The following FTCDNL1 variants were observed in gnomAD, a reference collection of about 807,000 sequenced individuals.
FTCDNL1 encodes formiminotransferase N-terminal subdomain-containing protein.
A neutral mutation model predicts 5.9 loss-of-function variants in FTCDNL1; 11 were observed. That is an observed-to-expected ratio of 1.87 (90% CI 1.18 to 3.10). The LOEUF (loss-of-function observed/expected upper bound fraction) is 3.10. Among genes scored for constraint, FTCDNL1 ranks in the 30% most tolerant of loss-of-function variants. FTCDNL1 has a pLI of 0.00. For synonymous variants in FTCDNL1, 58 were observed against 24.8 expected (o/e 2.34, Z -3.99); for missense variants, 115 against 65.5 (o/e 1.76, Z -2.61).
the FTCDNL1 span, among the ~76,000 whole-genome samples, chr2:199,671,256 G>T: frequency 6.6e-6 from 1 of 152,164 alleles, no homozygotes; most frequent in African/African-American, 2.4e-5. Flanking sequence ...ATGGAAAAGG[G>T]TCTTGTAGAG....
At chr2:199,676,277 T>A in the FTCDNL1 span, among the ~76,000 whole-genome samples, 3 of 152,170 alleles carry the variant, frequency 2.0e-5, no homozygotes, top group Non-Finnish European at 4.4e-5. Flanking sequence ...ACCTTGCTGG[T>A]CAGTGAATTT....
At chr2:199,737,907 A>G in the FTCDNL1 span, among the ~76,000 whole-genome samples, 1 of 152,218 alleles carries the variant, frequency 6.6e-6, no homozygotes, top group African/African-American at 2.4e-5. Flanking sequence ...AGATATTTGT[A>G]TGATACTTGA....
chr2:199,687,980 C>T, the FTCDNL1 span, among the ~76,000 whole-genome samples: 1 of 152,070 alleles, frequency 6.6e-6, no homozygotes, highest in Non-Finnish European at 1.5e-5. Flanking sequence ...CGTGTGGTGG[C>T]TCACGCCTGT....
At chr2:199,678,370 G>T in the FTCDNL1 span, among the ~76,000 whole-genome samples, 1 of 152,112 alleles carries the variant, frequency 6.6e-6, no homozygotes, top group Non-Finnish European at 1.5e-5. Flanking sequence ...GTGGGCACAT[G>T]CCATAACCAT....
At chr2:199,705,162 A>G in the FTCDNL1 span, among the ~76,000 whole-genome samples, 713 of 152,284 alleles carry the variant, frequency 4.7e-3, 6 homozygotes, top group African/African-American at 0.016. Context: ...TTAAAGATGC[A>G]CTAGACTTGT....
At chr2:199,675,577 T>A in the FTCDNL1 span, among the ~76,000 whole-genome samples, 8 of 152,208 alleles carry the variant, frequency 5.3e-5, no homozygotes, top group East Asian at 9.7e-4. Context: ...ATAAAGGCAA[T>A]CTGGAGCTCA....
At chr2:199,779,421 C>A (rs1211422038) in intron 3 of FTCDNL1, among the ~76,000 whole-genome samples, 8 of 152,308 alleles carry the variant, frequency 5.3e-5, no homozygotes, top group African/African-American at 1.9e-4. Context: ...AACAAGTTAT[C>A]TCAAAAGCAA....
chr2:199,838,184 G>A (rs184790724), intron 3 of FTCDNL1, among the ~76,000 whole-genome samples: 105 of 152,344 alleles, frequency 6.9e-4, no homozygotes, highest in Non-Finnish European at 1.3e-3. Context: ...ACAGTATCCT[G>A]CAGAGAAATT....
At chr2:199,680,865 C>T in the FTCDNL1 span, among the ~76,000 whole-genome samples, 1 of 152,152 alleles carries the variant, frequency 6.6e-6, no homozygotes, top group African/African-American at 2.4e-5. Context: ...CCCTTGCCGC[C>T]ACCCCTAATA....
intron 3 of FTCDNL1, among the ~76,000 whole-genome samples, chr2:199,778,958 A>G (rs1286742577): frequency 6.6e-6 from 1 of 152,190 alleles, no homozygotes; most frequent in African/African-American, 2.4e-5. Flanking sequence ...AAGTAATCAC[A>G]AGAACTTTTT....
chr2:199,746,028 A>C, the FTCDNL1 span, among the ~76,000 whole-genome samples: 1 of 152,242 alleles, frequency 6.6e-6, no homozygotes, highest in Non-Finnish European at 1.5e-5. Context: ...CGTGACATTA[A>C]AATTGCTTCT....
intron 3 of FTCDNL1, among the ~76,000 whole-genome samples, chr2:199,776,976 G>C (rs1308109007): frequency 1.3e-5 from 2 of 150,226 alleles, no homozygotes; most frequent in African/African-American, 4.9e-5. Context: ...GTGTGTGTGT[G>C]TGTGTGTGTG....
chr2:199,756,563 G>C (rs1021411271), downstream of FTCDNL1, among the ~76,000 whole-genome samples: 3 of 152,176 alleles, frequency 2.0e-5, no homozygotes, highest in Admixed American at 1.3e-4. Context: ...CACATTAGCA[G>C]GCAAGCAGCA....
At chr2:199,733,597 C>G in the FTCDNL1 span, among the ~76,000 whole-genome samples, 1 of 152,142 alleles carries the variant, frequency 6.6e-6, no homozygotes. Context: ...GATGGTAGTT[C>G]AAACCACATG....
chr2:199,806,366 G>A (rs1158239681), downstream of FTCDNL1, among the ~76,000 whole-genome samples: 1 of 152,160 alleles, frequency 6.6e-6, no homozygotes, highest in Non-Finnish European at 1.5e-5. Flanking sequence ...ACAAACAACA[G>A]AGTCAAATAA....
intron 3 of FTCDNL1, among the ~76,000 whole-genome samples, chr2:199,770,096 C>A (rs770042440): frequency 2.6e-5 from 4 of 152,194 alleles, no homozygotes; most frequent in Non-Finnish European, 5.9e-5. Context: ...CAGGCCTCTT[C>A]TTCATCTCAG....
chr2:199,769,714 T>TA (rs1698717130), intron 3 of FTCDNL1, among the ~76,000 whole-genome samples: 1 of 152,288 alleles, frequency 6.6e-6, no homozygotes, highest in Admixed American at 6.5e-5. Flanking sequence ...CTGGTTGTGG[T>TA]CCCCACGCCT....
At chr2:199,721,581 A>G in the FTCDNL1 span, among the ~76,000 whole-genome samples, 1 of 152,224 alleles carries the variant, frequency 6.6e-6, no homozygotes, top group African/African-American at 2.4e-5. Flanking sequence ...TACTACAATG[A>G]ATATACCCAT....
At chr2:199,849,476 A>T (rs114589422) in intron 1 of FTCDNL1, among the ~76,000 whole-genome samples, 1,544 of 152,358 alleles carry the variant, frequency 0.01, 24 homozygotes, top group African/African-American at 0.035. Flanking sequence ...CATTATACAA[A>T]TAAATAAGGA....
Sources: gnomAD v4.1 joint callset for allele counts (sites outside exome capture counted in the v4.1 genomes callset) on GRCh38, gnomAD v4.1.1 for gene constraint, MANE v1.5 for transcripts, NCBI Gene and HGNC (gene_info 2026-07-23, HGNC 2026-07-21) for gene names.